The following FGF12 variants were observed in gnomAD, a reference collection of about 807,000 sequenced individuals.
The protein encoded by FGF12 is fibroblast growth factor 12B.
In FGF12, 14 loss-of-function variants were observed where a neutral mutation model predicts 23.6. That is an observed-to-expected ratio of 0.59 (90% CI 0.39 to 0.93). The LOEUF is 0.93. FGF12 is among the 40% of genes least tolerant of loss of function. The pLI, the probability that FGF12 is intolerant of heterozygous loss-of-function variation, is 0.00. For missense variants in FGF12, 175 were observed against 217.8 expected (o/e 0.80, Z 1.24); for synonymous variants, 62 against 77.3 (o/e 0.80, Z 1.04).
At chr3:192,162,818 A>G (rs1714954285) in intron 5 of FGF12, among the ~76,000 whole-genome samples, 1 of 152,094 alleles carries the variant, frequency 6.6e-6, no homozygotes, top group East Asian at 1.9e-4. Flanking sequence ...GTGTCTTATT[A>G]TGTAGTTTTG....
intron 2 of FGF12, among the ~76,000 whole-genome samples, chr3:192,491,668 T>C (rs1285925845): frequency 6.6e-6 from 1 of 152,178 alleles, no homozygotes; most frequent in African/African-American, 2.4e-5. Flanking sequence ...TATATGATGT[T>C]ACATAAACTC....
chr3:192,304,213 T>C (rs1011739706), intron 4 of FGF12, among the ~76,000 whole-genome samples: 1 of 152,182 alleles, frequency 6.6e-6, no homozygotes, highest in Non-Finnish European at 1.5e-5. Flanking sequence ...ATCCAAGGGA[T>C]CTTGCACAAA....
At chr3:192,402,654 C>T (rs1323068766) in intron 2 of FGF12, among the ~76,000 whole-genome samples, 1 of 152,102 alleles carries the variant, frequency 6.6e-6, no homozygotes, top group Non-Finnish European at 1.5e-5. Flanking sequence ...CCACTTGAGG[C>T]TTAGTTTTCT....
At chr3:192,329,573 G>A (rs1223807500) in intron 4 of FGF12, among the ~76,000 whole-genome samples, 3 of 152,098 alleles carry the variant, frequency 2.0e-5, no homozygotes, top group African/African-American at 7.2e-5. Context: ...ATTTACAGAG[G>A]ATGGTCGAGG....
chr3:192,392,288 G>C (rs1239434590), intron 2 of FGF12, among the ~76,000 whole-genome samples: 1 of 152,028 alleles, frequency 6.6e-6, no homozygotes, highest in African/African-American at 2.4e-5. Context: ...CTGAACTAAG[G>C]CTGTGAGCAG....
chr3:192,325,341 G>T (rs1324602848), intron 4 of FGF12, among the ~76,000 whole-genome samples: 5 of 152,012 alleles, frequency 3.3e-5, no homozygotes, highest in African/African-American at 1.2e-4. Context: ...CATATGAGAA[G>T]AAAAAATTAT....
intron 4 of FGF12, among the ~76,000 whole-genome samples, chr3:192,308,345 T>C (rs1715759473): frequency 6.6e-6 from 1 of 152,140 alleles, no homozygotes; most frequent in Admixed American, 6.6e-5. Flanking sequence ...GCAGATCTAA[T>C]GGCAAAACAA....
intron 2 of FGF12, among the ~76,000 whole-genome samples, chr3:192,643,614 T>C (rs1292110588): frequency 1.3e-5 from 2 of 152,236 alleles, no homozygotes; most frequent in African/African-American, 4.8e-5. Context: ...ATTCTGATCC[T>C]GTCCACTCTT....
intron 2 of FGF12, among the ~76,000 whole-genome samples, chr3:192,630,117 A>G (rs1715327386): frequency 6.6e-6 from 1 of 152,038 alleles, no homozygotes; most frequent in Admixed American, 6.5e-5. Flanking sequence ...CTGCTTATTT[A>G]AAAGTGTGGG....
intron 2 of FGF12, among the ~76,000 whole-genome samples, chr3:192,365,142 A>G (rs1260172463): frequency 6.6e-6 from 1 of 152,178 alleles, no homozygotes; most frequent in African/African-American, 2.4e-5. Context: ...GCTTGAGGTG[A>G]GAGATAACCT....
At chr3:192,291,109 A>G (rs1438801486) in intron 4 of FGF12, among the ~76,000 whole-genome samples, 2 of 152,182 alleles carry the variant, frequency 1.3e-5, no homozygotes, top group Non-Finnish European at 2.9e-5. Context: ...GTATTTGTGC[A>G]TAAATAAATT....
intron 2 of FGF12, among the ~76,000 whole-genome samples, chr3:192,614,154 C>G (rs1714660189): frequency 1.3e-5 from 2 of 151,916 alleles, no homozygotes; most frequent in South Asian, 4.1e-4. Context: ...TACCACAGAT[C>G]ATTTTATTTC....
intron 2 of FGF12, among the ~76,000 whole-genome samples, chr3:192,649,696 T>C (rs1503596): frequency 0.57 from 86,335 of 151,378 alleles, 25,037 homozygotes; most frequent in East Asian, 0.67. Context: ...TGCGGAATTA[T>C]AGGCGTGCAC....
Position 192,425,754 on chromosome 3 carries a change from A to G in FGF12, c.14-65216T>C, listed in dbSNP as rs564565845. Among the ~76,000 whole-genome samples, 31 of 152,356 alleles carry G rather than the reference A, an allele frequency of 2.0e-4. No individual in the cohort carries two copies. In the South Asian group the frequency reaches 6.4e-3, roughly 32 times the overall value. On this transcript the variant is annotated intron_variant, in intron 2 of 5. Coordinates refer to ENST00000445105, the MANE Select transcript of FGF12 (RefSeq NM_004113.6). ...AGAGAGCTATTGAAAGTTTTTTAAG[A>G]GAACTGTGATAGAATTTAATCTATA... is the stretch of plus-strand genomic sequence containing the variant.
intron 2 of FGF12, among the ~76,000 whole-genome samples, chr3:192,475,131 G>T (rs376791075): frequency 2.1e-4 from 32 of 152,226 alleles, no homozygotes; most frequent in African/African-American, 6.7e-4. Context: ...AATATAATTT[G>T]AATTAAAGTA....
intron 2 of FGF12, among the ~76,000 whole-genome samples, chr3:192,575,672 G>A (rs556586006): frequency 7.9e-5 from 12 of 151,588 alleles, no homozygotes; most frequent in Non-Finnish European, 1.6e-4. Flanking sequence ...TTGCATTTAG[G>A]TTTTGGTCCC....
chr3:192,417,961 T>C (rs1721406967), intron 2 of FGF12, among the ~76,000 whole-genome samples: 2 of 152,090 alleles, frequency 1.3e-5, no homozygotes, highest in Admixed American at 1.3e-4. Context: ...CCCATGTTTA[T>C]GGTTGTGCTG....
chr3:192,348,149 G>A (rs183205896), intron 3 of FGF12, among the ~76,000 whole-genome samples: 148 of 152,262 alleles, frequency 9.7e-4, no homozygotes, highest in African/African-American at 3.5e-3. Context: ...GTTCTCTTTA[G>A]GATATTTGTA....
chr3:192,204,695 G>T (rs1717551189), intron 4 of FGF12, among the ~76,000 whole-genome samples: 1 of 152,040 alleles, frequency 6.6e-6, no homozygotes, highest in Admixed American at 6.6e-5. Flanking sequence ...AGACCAGCCT[G>T]GCCAACGTGG....
Sources: gnomAD v4.1 joint callset for allele counts (sites outside exome capture counted in the v4.1 genomes callset) on GRCh38, gnomAD v4.1.1 for gene constraint, MANE v1.5 for transcripts, NCBI Gene and HGNC (gene_info 2026-07-23, HGNC 2026-07-21) for gene names.